The following COL11A1 variants were observed in gnomAD, a reference collection of about 807,000 sequenced individuals.
COL11A1 encodes collagen type XI alpha 1 chain, also known as collagen alpha-1(XI) chain.
In COL11A1, 74 loss-of-function variants were observed where a neutral mutation model predicts 265.2. That is an observed-to-expected ratio of 0.28 (90% CI 0.23 to 0.34). The LOEUF is 0.34. Among genes scored for constraint, COL11A1 ranks in the 10% least tolerant of loss-of-function variants. The probability of loss-of-function intolerance (pLI) is 1.00; values close to 1 mark genes in which losing one functional copy is unlikely to be tolerated. For missense variants in COL11A1, 2,165 were observed against 2,263.6 expected, an observed-to-expected ratio of 0.96 and a Z score of 0.88; for synonymous variants, 816 against 727.6, an observed-to-expected ratio of 1.12 and a Z score of -1.96.
intron 15 of COL11A1, 50 bp downstream of exon 15, chr1:103,008,413 T>C (rs747790983): frequency 6.9e-7 from 1 of 1,446,688 alleles, no homozygotes; most frequent in East Asian, 2.3e-5. Flanking sequence ...GGAATTATGC[T>C]GTATCAAAGA....
chr1:102,984,034 G>A (rs1384891451), intron 31 of COL11A1, 104 bp downstream of exon 31: 8 of 816,858 alleles, frequency 9.8e-6, no homozygotes, highest in South Asian at 4.8e-5. Context: ...TTATTTTTAA[G>A]TACTCATGAT....
At position 102,935,004 on chromosome 1, in the gene COL11A1, A is replaced by G. The variant is rs554516345; in HGVS notation, c.3492+56T>C. 7 of 1,555,994 alleles carry G rather than the reference A, an allele frequency of 4.5e-6. No homozygotes were observed. In the African/African-American group the frequency reaches 5.4e-5, roughly 12 times the overall value. On this transcript the variant is annotated intron_variant, in intron 45 of 66. Transcript: ENST00000370096. Reference sequence around the variant, plus strand: ...TTGACTGGTTATGGGACAGTATACAAATTTAATCAGGGAGCTGTAAGGATT... The same window carrying G: ...TTGACTGGTTATGGGACAGTATACAGATTTAATCAGGGAGCTGTAAGGATT...
chr1:102,899,428 G>A (rs1354946781), intron 54 of COL11A1, among the ~76,000 whole-genome samples: 3 of 151,944 alleles, frequency 2.0e-5, no homozygotes, highest in African/African-American at 7.3e-5. Context: ...ATATGTTCAT[G>A]CATTCTTACA....
At chr1:102,904,702 G>A (rs1349100322) in intron 54 of COL11A1, among the ~76,000 whole-genome samples, 10 of 152,088 alleles carry the variant, frequency 6.6e-5, no homozygotes, top group Admixed American at 2.0e-4. Flanking sequence ...TTAGAATGGT[G>A]ATCATTAAAA....
intron 57 of COL11A1, among the ~76,000 whole-genome samples, chr1:102,892,150 A>T (rs568384972): frequency 5.8e-4 from 89 of 152,246 alleles, no homozygotes; most frequent in Non-Finnish European, 1.1e-3. Context: ...ACAAAAGCAA[A>T]CTGTTCATAT....
chr1:103,064,700 G>GA (rs59331849), intron 4 of COL11A1, among the ~76,000 whole-genome samples: 74,070 of 123,206 alleles, frequency 0.6, 22,798 homozygotes, highest in East Asian at 0.87. Flanking sequence ...AAAAAAAAAA[G>GA]AAAAAAAAAA....
intron 46 of COL11A1, among the ~76,000 whole-genome samples, chr1:102,927,821 C>T (rs1236065054): frequency 1.3e-5 from 2 of 152,064 alleles, no homozygotes; most frequent in South Asian, 2.1e-4. Context: ...TGATAATAAT[C>T]GATCTTAAAT....
At chr1:102,996,111 T>C in intron 26 of COL11A1, 69 bp from the exon 27 acceptor site, 2 of 1,470,600 alleles carry the variant, frequency 1.4e-6, no homozygotes, top group Non-Finnish European at 1.9e-6. Context: ...ATACTATAAT[T>C]TTACCAACTA....
At chr1:103,009,435 T>C (rs1166684160) in intron 14 of COL11A1, among the ~76,000 whole-genome samples, 1 of 151,776 alleles carries the variant, frequency 6.6e-6, no homozygotes, top group African/African-American at 2.4e-5. Context: ...TAAATAAAAA[T>C]AACTAAAATG....
chr1:102,967,227 C>CTTTT (rs35303945), intron 37 of COL11A1, among the ~76,000 whole-genome samples: 2,027 of 52,712 alleles, frequency 0.038, 754 homozygotes, highest in Middle Eastern at 0.053. Context: ...ATAATAAATT[C>CTTTT]TTTTTTTTTT....
intron 38 of COL11A1, among the ~76,000 whole-genome samples, chr1:102,965,239 T>C (rs554340261): frequency 6.6e-6 from 1 of 152,348 alleles, no homozygotes; most frequent in Admixed American, 6.5e-5. Flanking sequence ...GTGTGAACTT[T>C]CTGATTTACT....
intron 7 of COL11A1, 87 bp from the exon 8 acceptor site, chr1:103,023,083 G>A (rs1381565455): frequency 5.6e-6 from 8 of 1,416,652 alleles, no homozygotes; most frequent in Admixed American, 1.7e-5. Flanking sequence ...ATTTGATAGC[G>A]TGTGATGGGA....
At chr1:103,035,832 A>G (rs990965777) in intron 4 of COL11A1, among the ~76,000 whole-genome samples, 1 of 151,916 alleles carries the variant, frequency 6.6e-6, no homozygotes, top group Non-Finnish European at 1.5e-5. Context: ...TTTTTTGTAA[A>G]TTATTTTTAA....
chr1:103,102,736 T>C (rs1674381053), intron 1 of COL11A1, among the ~76,000 whole-genome samples: 1 of 152,076 alleles, frequency 6.6e-6, no homozygotes, highest in Non-Finnish European at 1.5e-5. Context: ...TTAAACTCCA[T>C]ATTTACATAA....
chr1:103,074,485 G>A (rs1000497029), intron 4 of COL11A1, 133 bp downstream of exon 4: 2 of 933,788 alleles, frequency 2.1e-6, no homozygotes, highest in Non-Finnish European at 3.3e-6. Context: ...ACTCACAGAG[G>A]AAGAAACTAG....
At chr1:103,075,659 T>C (rs1267203207) in intron 3 of COL11A1, among the ~76,000 whole-genome samples, 5 of 152,136 alleles carry the variant, frequency 3.3e-5, no homozygotes, top group Non-Finnish European at 7.4e-5. Context: ...GCCCACTCAA[T>C]TCTGCAAGCC....
intron 53 of COL11A1, 112 bp from the exon 54 acceptor site, chr1:102,912,324 A>G (rs984393897): frequency 1.3e-6 from 1 of 790,884 alleles, no homozygotes; most frequent in African/African-American, 1.8e-5. Flanking sequence ...CCACATGTCA[A>G]TATTTCCTGG....
chr1:103,027,604 C>G (rs1453281993), intron 5 of COL11A1, among the ~76,000 whole-genome samples: 1 of 151,776 alleles, frequency 6.6e-6, no homozygotes, highest in Non-Finnish European at 1.5e-5. Flanking sequence ...AACTGGATCT[C>G]TCTTTGCATT....
intron 12 of COL11A1, 26 bp downstream of exon 12, chr1:103,015,642 T>A (rs1259739115): frequency 1.8e-5 from 28 of 1,530,900 alleles, no homozygotes; most frequent in Non-Finnish European, 2.5e-5. Flanking sequence ...TATCAAGTCA[T>A]CTCTATAACA....
Sources: gnomAD v4.1 joint callset for allele counts (sites outside exome capture counted in the v4.1 genomes callset) on GRCh38, gnomAD v4.1.1 for gene constraint, MANE v1.5 for transcripts, NCBI Gene and HGNC (gene_info 2026-07-23, HGNC 2026-07-21) for gene names.